The following PRKN variants were observed in gnomAD, a reference collection of about 807,000 sequenced individuals.
PRKN encodes E3 ubiquitin-protein ligase parkin.
In PRKN, 56 loss-of-function variants were observed where a neutral mutation model predicts 59.5. That is an observed-to-expected ratio of 0.94 (90% CI 0.76 to 1.18). The LOEUF is 1.18. Ranked by LOEUF, PRKN falls within the 50% of genes most tolerant of loss-of-function variation. The probability of loss-of-function intolerance (pLI) is 0.00; values close to 1 mark genes in which losing one functional copy is unlikely to be tolerated. For missense variants in PRKN, 657 were observed against 596.4 expected (o/e 1.10, Z -1.06); for synonymous variants, 250 against 222.1 (o/e 1.13, Z -1.12).
At position 162,253,279 on chromosome 6, in the gene PRKN, A is replaced by AATCTAATCTAATCT. The variant is rs1779511397; in HGVS notation, c.412+9245_412+9246insAGATTAGATTAGAT. Among the ~76,000 whole-genome samples the AATCTAATCTAATCT allele has an allele frequency of 9.6e-4, 144 of 149,528 alleles. 1 individual carries two copies. Among genetic ancestry groups the AATCTAATCTAATCT allele is most frequent in the African/African-American group, 3.3e-3 (134 of 40,304 alleles). On this transcript the variant is annotated intron_variant, in intron 3 of 11. Coordinates refer to ENST00000366898, the MANE Select transcript of PRKN (RefSeq NM_004562.3). ...AGGCATGCTGGTGACAACAGGCAAC[A>AATCTAATCTAATCT]AATCTAATCTAATCTAATCTAATCT... is the stretch of plus-strand genomic sequence containing the variant.
At chr6:162,360,503 C>T (rs1016106550) in intron 2 of PRKN, among the ~76,000 whole-genome samples, 8 of 152,004 alleles carry the variant, frequency 5.3e-5, no homozygotes, top group Admixed American at 5.2e-4. Context: ...CCTATAAAAC[C>T]TGTCTACTCT....
intron 7 of PRKN, among the ~76,000 whole-genome samples, chr6:161,685,852 T>C (rs569761930): frequency 1.3e-5 from 2 of 152,290 alleles, no homozygotes; most frequent in East Asian, 1.9e-4. Flanking sequence ...ATATTACTTC[T>C]CTTCATCACT....
intron 7 of PRKN, among the ~76,000 whole-genome samples, chr6:161,785,511 A>C (rs1420215441): frequency 6.6e-6 from 1 of 152,220 alleles, no homozygotes; most frequent in Admixed American, 6.5e-5. Flanking sequence ...AGAAAAACTT[A>C]GTATACCTTG....
At chr6:162,526,515 T>TG (rs1206309844) in intron 1 of PRKN, among the ~76,000 whole-genome samples, 1 of 151,154 alleles carries the variant, frequency 6.6e-6, no homozygotes, top group Non-Finnish European at 1.5e-5. Context: ...CCGGGCCTGG[T>TG]GGCGCATGCC....
At chr6:162,049,435 T>C (rs534448176) in intron 5 of PRKN, among the ~76,000 whole-genome samples, 5 of 152,312 alleles carry the variant, frequency 3.3e-5, no homozygotes, top group African/African-American at 1.2e-4. Context: ...GAGCTCACAC[T>C]GAACACTTAA....
intron 3 of PRKN, among the ~76,000 whole-genome samples, chr6:162,242,843 A>T (rs1779038766): frequency 6.6e-6 from 1 of 152,126 alleles, no homozygotes; most frequent in Non-Finnish European, 1.5e-5. Context: ...TTACCGTAGA[A>T]AACTGCATCT....
At chr6:162,280,856 G>C (rs1780864034) in intron 2 of PRKN, among the ~76,000 whole-genome samples, 1 of 142,542 alleles carries the variant, frequency 7.0e-6, no homozygotes, top group Non-Finnish European at 1.5e-5. Context: ...GATCAGAGCA[G>C]AACTGAAGGA....
At chr6:162,126,689 T>C (rs1000311299) in intron 4 of PRKN, among the ~76,000 whole-genome samples, 1 of 152,214 alleles carries the variant, frequency 6.6e-6, no homozygotes, top group Admixed American at 6.5e-5. Context: ...TTGCAGCTAC[T>C]CTTGGTCCAC....
At chr6:162,454,209 T>C (rs1790756534) in intron 1 of PRKN, among the ~76,000 whole-genome samples, 2 of 152,226 alleles carry the variant, frequency 1.3e-5, no homozygotes, top group Admixed American at 6.5e-5. Context: ...GTAAAAATTA[T>C]TGTAATTATC....
chr6:162,582,915 A>C (rs1780845168), intron 1 of PRKN, among the ~76,000 whole-genome samples: 1 of 152,214 alleles, frequency 6.6e-6, no homozygotes, highest in Non-Finnish European at 1.5e-5. Context: ...TATGGCTTAC[A>C]TGTCTGTCCC....
chr6:161,855,469 A>C (rs564723964), intron 6 of PRKN, among the ~76,000 whole-genome samples: 1 of 152,200 alleles, frequency 6.6e-6, no homozygotes, highest in South Asian at 2.1e-4. Flanking sequence ...TCATTTACTT[A>C]TTGCACACAT....
chr6:162,367,191 C>T (rs1354410490), intron 2 of PRKN, among the ~76,000 whole-genome samples: 1 of 152,082 alleles, frequency 6.6e-6, no homozygotes, highest in South Asian at 2.1e-4. Context: ...CTCCTTGCTG[C>T]CATCATGTGA....
rs937441211 is a variant in PRKN at position 161,445,893 on chromosome 6, T to G, written c.1084-59016A>C. On this transcript the variant is annotated intron_variant, in intron 9 of 11. Transcript: ENST00000366898. This position sits in a 1 kb window ranked among gnomAD's most constrained non-coding sequence, Gnocchi z 7.7. ...TGCCCGGAGAGTTCAGAGGCCTTAG[T>G]TCTGGAAAGCCTCCTGTGGGGAGAT... Among the ~76,000 whole-genome samples the G allele has an allele frequency of 6.6e-6, 1 of 151,864 alleles. No individual in the cohort carries two copies. Among genetic ancestry groups the G allele is most frequent in the African/African-American group, 2.4e-5 (1 of 41,332 alleles).
intron 2 of PRKN, among the ~76,000 whole-genome samples, chr6:162,277,525 T>A (rs977603424): frequency 1.3e-5 from 2 of 152,188 alleles, no homozygotes; most frequent in Non-Finnish European, 2.9e-5. Flanking sequence ...GTGATCTGTA[T>A]ATTTGACTAA....
chr6:161,667,861 T>C (rs960845178), intron 7 of PRKN, among the ~76,000 whole-genome samples: 1 of 152,190 alleles, frequency 6.6e-6, no homozygotes, highest in Admixed American at 6.5e-5. Context: ...GCAATAATCA[T>C]AGAAAATAAA....
rs1779294677 is a variant in PRKN, at chr6:161,533,423, C to T, written c.1083+15431G>A. Among the ~76,000 whole-genome samples, 1 of 152,114 alleles carries T rather than the reference C, an allele frequency of 6.6e-6. No homozygotes were observed. The highest frequency in any genetic ancestry group is 2.4e-5 in the African/African-American group (1 of 41,390). ...TGCTGGAAGCTTGCACAGGTACATG[C>T]TGGCAGTTGTGCCCGTAGGAATATA... On this transcript the variant is annotated intron_variant, in intron 9 of 11. Coordinates refer to ENST00000366898, the MANE Select transcript of PRKN (RefSeq NM_004562.3). This position sits in a 1 kb window ranked among gnomAD's most constrained non-coding sequence, Gnocchi z 4.1.
chr6:161,638,468 C>T (rs547980359), intron 7 of PRKN, among the ~76,000 whole-genome samples: 50 of 152,248 alleles, frequency 3.3e-4, no homozygotes, highest in African/African-American at 1.1e-3. Context: ...TCTTGTCCAT[C>T]TATGAAGGCA....
rs539348606 is a variant in PRKN at position 161,897,827 on chromosome 6, C to T, written c.734+75475G>A. 2.7e-4 allele frequency among the ~76,000 whole-genome samples: 40 copies of T among 148,922 alleles called. No homozygotes were observed. The South Asian group carries it at 6.4e-3, about 24-fold the overall frequency. ...TACTGAAAATACAAAAAGTTCCGGG[C>T]GTAGTGGCGGGCGCCTGTAGTCCCA... On this transcript the variant is annotated intron_variant, in intron 6 of 11. Transcript: ENST00000366898.
intron 5 of PRKN, among the ~76,000 whole-genome samples, chr6:162,016,611 CA>C (rs1782943583): frequency 6.6e-6 from 1 of 152,064 alleles, no homozygotes; most frequent in South Asian, 2.1e-4. Flanking sequence ...TAGATCCATG[CA>C]AGTTACCCTG....
Sources: allele counts gnomAD v4.1 joint callset (sites outside exome capture counted in the v4.1 genomes callset), GRCh38; gene constraint gnomAD v4.1.1; non-coding constraint Gnocchi (gnomAD v3.1); transcripts MANE v1.5; gene names NCBI Gene and HGNC (gene_info 2026-07-23, HGNC 2026-07-21).